The following RYR2 variants were observed in gnomAD, a reference collection of about 807,000 sequenced individuals.
RYR2 encodes cardiac muscle ryanodine receptor-calcium release channel.
A neutral mutation model predicts 601.1 loss-of-function variants in RYR2; 227 were observed. That is an observed-to-expected ratio of 0.38 (90% CI 0.34 to 0.42). The LOEUF is 0.42. RYR2 is among the 10% of genes least tolerant of loss of function. The probability of loss-of-function intolerance (pLI) is 1.00; values close to 1 mark genes in which losing one functional copy is unlikely to be tolerated. For synonymous variants in RYR2, 2,223 were observed against 2,175.1 expected, an observed-to-expected ratio of 1.02 and a Z score of -0.61; for missense variants, 4,646 against 6,156.5, an observed-to-expected ratio of 0.75 and a Z score of 8.21.
intron 62 of RYR2, among the ~76,000 whole-genome samples, chr1:237,686,000 TG>T (rs1686357597): frequency 6.6e-6 from 1 of 152,214 alleles, no homozygotes; most frequent in South Asian, 2.1e-4. Context: ...CAAAACTTAC[TG>T]TAAAAGAGGT....
chr1:237,580,565 G>C (rs1392733946), intron 29 of RYR2, among the ~76,000 whole-genome samples: 1 of 152,044 alleles, frequency 6.6e-6, no homozygotes, highest in Non-Finnish European at 1.5e-5. Context: ...TGATTTCCGG[G>C]TTCCTTGGGG....
At chr1:237,573,435 A>G (rs1672907490) in intron 29 of RYR2, among the ~76,000 whole-genome samples, 1 of 151,590 alleles carries the variant, frequency 6.6e-6, no homozygotes, top group Non-Finnish European at 1.5e-5. Flanking sequence ...ATATACCGTC[A>G]AAAAGAAAAT....
At chr1:237,596,581 G>A (rs1198146617) in intron 34 of RYR2, among the ~76,000 whole-genome samples, 1 of 152,146 alleles carries the variant, frequency 6.6e-6, no homozygotes, top group Non-Finnish European at 1.5e-5. Context: ...ATGGAGAAAG[G>A]CACAGAAAAC....
At chr1:237,782,105 A>AGTCTT (rs1257789814) in intron 89 of RYR2, among the ~76,000 whole-genome samples, 2 of 148,398 alleles carry the variant, frequency 1.3e-5, no homozygotes, top group Non-Finnish European at 3.0e-5. Context: ...TGGCAGTGGT[A>AGTCTT]GTCTTGTTCT....
At chr1:237,230,403 C>T (rs1320770947) in intron 1 of RYR2, among the ~76,000 whole-genome samples, 2 of 152,124 alleles carry the variant, frequency 1.3e-5, no homozygotes, top group African/African-American at 2.4e-5. Context: ...CAATACCTAA[C>T]AATCACTTGA....
chr1:237,418,602 C>A (rs2150036367), intron 11 of RYR2, among the ~76,000 whole-genome samples: 1 of 152,168 alleles, frequency 6.6e-6, no homozygotes, highest in Non-Finnish European at 1.5e-5. Flanking sequence ...TTCAAAGTAT[C>A]CAATTGACTG....
intron 1 of RYR2, among the ~76,000 whole-genome samples, chr1:237,163,888 C>G (rs1003451268): frequency 7.2e-5 from 11 of 152,248 alleles, no homozygotes; most frequent in African/African-American, 2.7e-4. Context: ...TGACTGCTCA[C>G]CCAGGCTGCT....
At chr1:237,188,507 A>C (rs1679613234) in intron 1 of RYR2, among the ~76,000 whole-genome samples, 1 of 152,196 alleles carries the variant, frequency 6.6e-6, no homozygotes, top group Non-Finnish European at 1.5e-5. Flanking sequence ...TAATACATGT[A>C]AACCTCTGAG....
chr1:237,478,604 C>G (rs1441032065), intron 17 of RYR2, among the ~76,000 whole-genome samples: 1 of 152,202 alleles, frequency 6.6e-6, no homozygotes, highest in Non-Finnish European at 1.5e-5. Context: ...AAGGCTGATA[C>G]AAGTTTTACT....
rs16835774 is a variant in RYR2, at chr1:237,770,207, C to T, written c.11477-600C>T. On this transcript the variant is annotated intron_variant, in intron 84 of 104. Transcript: ENST00000366574. ...CCTCCTATGGAAGTAATGCTCAAAC[C>T]AGTCACATCTCTATTTTAGATTTCA... 7.5e-3 allele frequency among the ~76,000 whole-genome samples: 1,137 copies of T among 152,158 alleles called. 13 individuals carry two copies. Among genetic ancestry groups the T allele is most frequent in the African/African-American group, 0.026 (1,071 of 41,506 alleles).
At chr1:237,240,569 A>G (rs1400428520) in intron 1 of RYR2, among the ~76,000 whole-genome samples, 1 of 150,932 alleles carries the variant, frequency 6.6e-6, no homozygotes, top group Non-Finnish European at 1.5e-5. Context: ...TAGATGTCAT[A>G]TAAATTCCTC....
intron 1 of RYR2, among the ~76,000 whole-genome samples, chr1:237,139,874 G>T (rs189322412): frequency 6.6e-6 from 1 of 152,300 alleles, no homozygotes; most frequent in African/African-American, 2.4e-5. Context: ...TGGAATCATT[G>T]TCTGGCAGGC....
intron 4 of RYR2, among the ~76,000 whole-genome samples, chr1:237,356,847 C>T (rs1699339862): frequency 6.6e-6 from 1 of 152,134 alleles, no homozygotes; most frequent in Admixed American, 6.6e-5. Context: ...AACAGTGAGG[C>T]TTTTCATTAT....
chr1:237,761,999 A>G (rs892534556), intron 84 of RYR2, among the ~76,000 whole-genome samples: 2 of 152,100 alleles, frequency 1.3e-5, no homozygotes, highest in Admixed American at 6.5e-5. Context: ...TTTTCTTCTC[A>G]CAAATAGGAA....
intron 13 of RYR2, among the ~76,000 whole-genome samples, chr1:237,444,571 T>C (rs1477739161): frequency 6.6e-6 from 1 of 152,160 alleles, no homozygotes; most frequent in Non-Finnish European, 1.5e-5. Flanking sequence ...TACTTATATA[T>C]AGTACACAAC....
intron 33 of RYR2, among the ~76,000 whole-genome samples, chr1:237,594,885 G>GGTTTTTTTA (rs1675635122): frequency 1.3e-5 from 1 of 79,048 alleles, no homozygotes; most frequent in Admixed American, 1.5e-4. Flanking sequence ...AATATCACTG[G>GGTTTTTTTA]GTTTTTTTTT....
chr1:237,805,986 A>T, intron 98 of RYR2, 151 bp from the exon 99 acceptor site: 1 of 625,924 alleles, frequency 1.6e-6, no homozygotes. Flanking sequence ...CCTACTTTTT[A>T]CTTCCATGAG....
At chr1:237,594,902 T>TGTTTTTTG (rs1675678202) in intron 33 of RYR2, among the ~76,000 whole-genome samples, 1 of 26,078 alleles carries the variant, frequency 3.8e-5, no homozygotes, top group African/African-American at 6.1e-5. Context: ...TTTTTTTTTT[T>TGTTTTTTG]TTTTTTTTTT....
chr1:237,094,349 C>T (rs1667276024), intron 1 of RYR2, among the ~76,000 whole-genome samples: 3 of 152,124 alleles, frequency 2.0e-5, no homozygotes, highest in Admixed American at 6.5e-5. Flanking sequence ...TGCTCTTAGG[C>T]GTTTTTAAAA....
Sources: gnomAD v4.1 joint callset for allele counts (sites outside exome capture counted in the v4.1 genomes callset) on GRCh38, gnomAD v4.1.1 for gene constraint, MANE v1.5 for transcripts, NCBI Gene and HGNC (gene_info 2026-07-23, HGNC 2026-07-21) for gene names.